RIOX2: variants seen among roughly 807,000 people sequenced by gnomAD.
The protein encoded by RIOX2 is 60S ribosomal protein L27a histidine hydroxylase.
A neutral mutation model predicts 51.2 loss-of-function variants in RIOX2; 43 were observed. The ratio of observed to expected loss-of-function variants is 0.84; its 90% CI spans 0.66 to 1.08. RIOX2 has a LOEUF of 1.08. Ranked by LOEUF, RIOX2 falls within the 50% of genes least tolerant of loss-of-function variation. RIOX2 has a pLI of 0.00. For missense variants in RIOX2, 566 were observed against 561.7 expected (o/e 1.01, Z -0.08); for synonymous variants, 226 against 218.5 (o/e 1.03, Z -0.30).
chr3:97,947,418 C>A lies in RIOX2; in HGVS notation c.1092G>T (p.Val364=), dbSNP rs2040392030. ...CAATGTGGTCTTTAAACTGCAGTCTCACTACACTGTCCAGCCTCGGTAACT... is the reference window on the plus strand; with the variant it reads ...CAATGTGGTCTTTAAACTGCAGTCTAACTACACTGTCCAGCCTCGGTAACT... ...GGKLPRLDSV[V]RLQFKDHIVL... The change falls in exon 8 of 10, where the codon GTG becomes GTT. Residue 364 remains valine (V), a synonymous_variant. Coordinates refer to ENST00000394198, the MANE Select transcript of RIOX2 (RefSeq NM_153182.4). The A allele has an allele frequency of 6.2e-7, 1 of 1,613,564 alleles. No individual in the cohort carries two copies.
In RIOX2 at chr3:97,942,539, GA is replaced by G. The variant is rs2040255286; in HGVS notation, c.*2644del. 1 of 1,089,134 alleles carries G rather than the reference GA, an allele frequency of 9.2e-7. No homozygotes were observed. Among genetic ancestry groups the G allele is most frequent in the African/African-American group, 1.6e-5 (1 of 62,744 alleles). 67.5% of individuals were successfully genotyped at this position (1,089,134 alleles called of 1,614,324 possible). On this transcript the variant is annotated 3_prime_UTR_variant, in exon 10 of 10. Transcript: ENST00000394198. ...GTAAAGGACATCCTTATGTATAAGA[GA>G]AATGTTAAGTCATTTAAAATTATGC...
At chr3:97,946,933 A>C (rs2040381022) in intron 8 of RIOX2, among the ~76,000 whole-genome samples, 1 of 152,230 alleles carries the variant, frequency 6.6e-6, no homozygotes, top group African/African-American at 2.4e-5. Context: ...TAGGAAGCAA[A>C]ATTACAGAAT....
At position 97,942,407 on chromosome 3, in the gene RIOX2, T is replaced by G. The variant is rs1340829159; in HGVS notation, c.*2777A>C. Reference sequence around the variant, plus strand: ...ACTGAATAAAAATGGAACTATCAGCTCTTATCTCAGTGATCAACTTGTCCT... The same window carrying G: ...ACTGAATAAAAATGGAACTATCAGCGCTTATCTCAGTGATCAACTTGTCCT... On this transcript the variant is annotated 3_prime_UTR_variant, in exon 10 of 10. Coordinates refer to ENST00000394198, the MANE Select transcript of RIOX2 (RefSeq NM_153182.4). 1.9e-6 allele frequency: 3 copies of G among 1,611,640 alleles called. No homozygotes were observed. In the South Asian group the frequency reaches 3.3e-5, roughly 18 times the overall value.
At chr3:97,955,841 C>T (rs987003436) in intron 4 of RIOX2, among the ~76,000 whole-genome samples, 22 of 152,154 alleles carry the variant, frequency 1.4e-4, no homozygotes, top group African/African-American at 5.3e-4. Flanking sequence ...CCTACTGCTC[C>T]TAGGCTCCAA....
At chr3:97,957,404 G>C (rs1705490021) in intron 4 of RIOX2, among the ~76,000 whole-genome samples, 1 of 151,436 alleles carries the variant, frequency 6.6e-6, no homozygotes, top group African/African-American at 2.4e-5. Context: ...GCTGAGGCAG[G>C]AGAATTGCTT....
chr3:97,964,971 T>C (rs1002512186), intron 2 of RIOX2, among the ~76,000 whole-genome samples: 7 of 152,058 alleles, frequency 4.6e-5, no homozygotes, highest in African/African-American at 1.4e-4. Context: ...TAATAAGCTG[T>C]GCACAGTCTG....
Position 97,967,240 on chromosome 3 carries a change from T to C in RIOX2, c.354A>G (p.Lys118=), listed in dbSNP as rs767910566. ...GKKKVLNKDG[K]AHFLQLRKDF... is the part of the protein sequence containing the mutation. The stretch of plus-strand genomic sequence containing the variant: ...CTTTTCTCAGCTGAAGAAAGTGTGC[T>C]TTGCCATCTTTATTTAAAACCTTCT... The change falls in exon 2 of 10, where the codon AAA becomes AAG. Residue 118 remains lysine (K), a synonymous_variant. Transcript: ENST00000394198. The C allele has an allele frequency of 1.2e-6, 2 of 1,614,210 alleles. No homozygotes were observed. The highest frequency in any genetic ancestry group is 1.1e-5 in the South Asian group (1 of 91,078).
chr3:97,945,333 G>C lies in RIOX2; in HGVS notation c.1249C>G (p.Leu417Val), dbSNP rs150618232. The C allele has an allele frequency of 3.1e-6, 5 of 1,609,862 alleles. No homozygotes were observed. The highest frequency in any genetic ancestry group is 2.2e-5 in the East Asian group (1 of 44,822). The part of the protein sequence containing the change: ...GNEEETEFHG[L>V]RFPLSHLDAL... ...TCCAAATGTGACAAAGGGAAGCGAA[G>C]TCCATGAAACTGAAAGGATAAATTT... The change falls in exon 10 of 10, where the codon CTT becomes GTT. Residue 417 changes from leucine (L) to valine (V), a missense_variant. Leu to Val is a conservative substitution (Grantham distance 32). Transcript: ENST00000394198.
intron 4 of RIOX2, among the ~76,000 whole-genome samples, chr3:97,956,526 C>T (rs1159919751): frequency 6.0e-5 from 9 of 149,068 alleles, no homozygotes; most frequent in South Asian, 2.1e-4. Context: ...GACGGAGTTT[C>T]GTTCTTGTTG....
At chr3:97,961,853 A>T in intron 2 of RIOX2, 145 bp from the exon 3 acceptor site, 1 of 873,982 alleles carries the variant, frequency 1.1e-6, no homozygotes, top group South Asian at 2.3e-5. Context: ...ATGCAATGAT[A>T]CAGCCAATAC....
At chr3:97,968,110 T>C (rs1257382483) in intron 1 of RIOX2, among the ~76,000 whole-genome samples, 1 of 152,042 alleles carries the variant, frequency 6.6e-6, no homozygotes, top group Non-Finnish European at 1.5e-5. Context: ...TGCCAGGTGC[T>C]CCTCACCGCA....
intron 3 of RIOX2, among the ~76,000 whole-genome samples, chr3:97,960,993 T>C (rs1039743242): frequency 6.6e-6 from 1 of 152,192 alleles, no homozygotes; most frequent in Non-Finnish European, 1.5e-5. Flanking sequence ...AAGGGGACTT[T>C]TTACCAATAA....
chr3:97,953,594 G>T (rs6766030), intron 5 of RIOX2, among the ~76,000 whole-genome samples: 1 of 152,034 alleles, frequency 6.6e-6, no homozygotes, highest in Non-Finnish European at 1.5e-5. Context: ...TGTTGGCCAG[G>T]CTGGTCTCAA....
chr3:97,966,529 C>G (rs1433201490), intron 2 of RIOX2, among the ~76,000 whole-genome samples: 1 of 152,110 alleles, frequency 6.6e-6, no homozygotes, highest in Non-Finnish European at 1.5e-5. Flanking sequence ...AATGTCAATC[C>G]CTGATATAGA....
chr3:97,952,237 T>C (rs1168303844), intron 5 of RIOX2: 2 of 1,289,604 alleles, frequency 1.6e-6, no homozygotes, highest in African/African-American at 3.0e-5. Context: ...ATCTTCTCAT[T>C]CTAGCTCCAG....
rs756941097 is a variant in RIOX2, at chr3:97,947,443, T to C, written c.1067A>G (p.Lys356Arg). 6 of 1,613,076 alleles carry C rather than the reference T, an allele frequency of 3.7e-6. No individual in the cohort carries two copies. Among genetic ancestry groups the C allele is most frequent in the East Asian group, 4.5e-5 (2 of 44,842 alleles). ...CACTACACTGTCCAGCCTCGGTAACTTTCCACCTAGAAAACCCCAAAGAGA... is the reference window on the plus strand; with the variant it reads ...CACTACACTGTCCAGCCTCGGTAACCTTCCACCTAGAAAACCCCAAAGAGA... ...DGAELSTPGG[K>R]LPRLDSVVRL... Residue 356 changes from lysine to arginine, a missense_variant, in exon 8 of 10, where the codon AAG (lysine) becomes AGG (arginine). Coordinates refer to ENST00000394198, the MANE Select transcript of RIOX2 (RefSeq NM_153182.4).
chr3:97,943,412 A>G lies in RIOX2; in HGVS notation c.*1772T>C. ...GTGGAAAGGAAGCTACTGTCCTCAC[A>G]CTCCTGGATCACTGAGCAGAATGAA... On this transcript the variant is annotated 3_prime_UTR_variant, in exon 10 of 10. Coordinates refer to ENST00000394198, the MANE Select transcript of RIOX2 (RefSeq NM_153182.4). 3 of 705,930 alleles carry G rather than the reference A, an allele frequency of 4.2e-6. No individual in the cohort carries two copies. Among genetic ancestry groups the G allele is most frequent in the Non-Finnish European group, 7.4e-6 (3 of 405,770 alleles). 43.7% of individuals were successfully genotyped at this position (705,930 alleles called of 1,614,324 possible). A position where few individuals can be genotyped will look rare whatever the true frequency, so the allele number is the denominator to read the frequency against.
At chr3:97,969,191 T>G (rs1386247796) in intron 1 of RIOX2, among the ~76,000 whole-genome samples, 2 of 151,934 alleles carry the variant, frequency 1.3e-5, no homozygotes, top group African/African-American at 4.8e-5. Flanking sequence ...CACAAACTGA[T>G]ACTACAGGAG....
intron 1 of RIOX2, among the ~76,000 whole-genome samples, chr3:97,970,325 A>G (rs1349278788): frequency 6.6e-6 from 1 of 152,198 alleles, no homozygotes; most frequent in African/African-American, 2.4e-5. Context: ...CTCTGTGTTC[A>G]TGTTGAAATG....
Sources: gnomAD v4.1 joint callset for allele counts (sites outside exome capture counted in the v4.1 genomes callset) on GRCh38, gnomAD v4.1.1 for gene constraint, MANE v1.5 for transcripts, NCBI Gene and HGNC (gene_info 2026-07-23, HGNC 2026-07-21) for gene names.